SLC36A4: variants seen among roughly 807,000 people sequenced by gnomAD.
The protein encoded by SLC36A4 is neutral amino acid uniporter 4.
Under a neutral mutation model 50.5 loss-of-function variants are expected in SLC36A4, and 49 were observed. That is an observed-to-expected ratio of 0.97 (90% CI 0.77 to 1.23). The LOEUF (loss-of-function observed/expected upper bound fraction) is 1.23, where lower values mean the gene tolerates loss of function less well. Ranked by LOEUF, SLC36A4 falls within the 50% of genes most tolerant of loss-of-function variation. SLC36A4 has a pLI of 0.00. For synonymous variants in SLC36A4, 207 were observed against 206.5 expected, an observed-to-expected ratio of 1.00 and a Z score of -0.02; for missense variants, 611 against 608.4, an observed-to-expected ratio of 1.00 and a Z score of -0.05.
Position 93,148,675 on chromosome 11 carries a change from A to C in SLC36A4, c.1377T>G (p.Thr459=). 1 of 1,612,942 alleles carries C rather than the reference A, an allele frequency of 6.2e-7. No individual in the cohort carries two copies. Among genetic ancestry groups the C allele is most frequent in the Non-Finnish European group, 8.5e-7 (1 of 1,179,348 alleles). ...MVLKNISIAF[T]GVVGFLLGTY... ...TACCTAATAAGAAGCCAACAACTCC[A>C]GTGAATGCTATAGAAATATTTTTCA... Residue 459 remains threonine (T), a synonymous_variant, in exon 11 of 11, where the codon ACT becomes ACG. Coordinates refer to ENST00000326402, the MANE Select transcript of SLC36A4 (RefSeq NM_152313.4).
chr11:93,162,740 CTT>C lies in SLC36A4; in HGVS notation c.1001_1002del (p.Lys334ArgfsTer51). On this transcript the variant is annotated frameshift_variant, in exon 9 of 11. Transcript: ENST00000326402. LOFTEE classifies it high-confidence loss of function. ...TGGGGAAGATTTAAAGTTATGCTGC[CTT>C]TGATTTCATCATGGAAACACATATA... Reference protein sequence around the residue: ...LGYMCFHDEIKGSITLNLPQD... With the variant: ...LGYMCFHDEIXGSITLNLPQD... 6.2e-7 allele frequency: 1 copy of C among 1,612,492 alleles called. No individual in the cohort carries two copies. Among genetic ancestry groups the C allele is most frequent in the Non-Finnish European group, 8.5e-7 (1 of 1,179,492 alleles).
Position 93,197,849 on chromosome 11 carries a change from G to C in SLC36A4, c.-17C>G, listed in dbSNP as rs989858187. On this transcript the variant is annotated 5_prime_UTR_variant, in exon 1 of 11. Transcript: ENST00000326402. ...CGCTTCCATCTCTCGCGGGTCTCCA[G>C]GACGCCGCCGCCCGAGTGCTCACTC... 1 of 1,546,634 alleles carries C rather than the reference G, an allele frequency of 6.5e-7. No individual in the cohort carries two copies. Among genetic ancestry groups the C allele is most frequent in the Non-Finnish European group, 8.7e-7 (1 of 1,154,070 alleles).
At chr11:93,189,428 G>T (rs546601370) in intron 1 of SLC36A4, among the ~76,000 whole-genome samples, 100 of 151,700 alleles carry the variant, frequency 6.6e-4, no homozygotes, top group Non-Finnish European at 1.2e-3. Context: ...GGTATGCAAG[G>T]CTATGACAAC....
intron 2 of SLC36A4, 131 bp from the exon 3 acceptor site, chr11:93,184,651 A>G (rs1055007528): frequency 1.0e-5 from 6 of 602,160 alleles, no homozygotes; most frequent in Admixed American, 3.3e-5. Context: ...CCATCCCACC[A>G]CTGGGCCAGA....
intron 1 of SLC36A4, among the ~76,000 whole-genome samples, chr11:93,195,294 T>A (rs2134718860): frequency 6.6e-6 from 1 of 152,100 alleles, no homozygotes; most frequent in African/African-American, 2.4e-5. Context: ...AAAACCACCA[T>A]AATATCCCAG....
At chr11:93,163,293 T>C (rs1211703083) in intron 8 of SLC36A4, among the ~76,000 whole-genome samples, 1 of 152,334 alleles carries the variant, frequency 6.6e-6, no homozygotes, top group South Asian at 2.1e-4. Context: ...CAAATTTCAT[T>C]TGGATTTCAT....
At chr11:93,158,534 G>A (rs1301887573) in intron 9 of SLC36A4, among the ~76,000 whole-genome samples, 1 of 151,260 alleles carries the variant, frequency 6.6e-6, no homozygotes, top group Non-Finnish European at 1.5e-5. Context: ...TTTAGAAGTT[G>A]GTATATCTAC....
At chr11:93,175,967 C>T (rs1181083907) in intron 6 of SLC36A4, among the ~76,000 whole-genome samples, 2 of 134,500 alleles carry the variant, frequency 1.5e-5, no homozygotes, top group African/African-American at 5.7e-5. Flanking sequence ...ATTAGGTCCG[C>T]TTGGTGCAGA....
chr11:93,196,350 A>T (rs1862421825), intron 1 of SLC36A4, among the ~76,000 whole-genome samples: 1 of 152,078 alleles, frequency 6.6e-6, no homozygotes, highest in Non-Finnish European at 1.5e-5. Flanking sequence ...CTGAAGGAGA[A>T]TTGCTGGGTC....
At chr11:93,176,410 A>T (rs1861472903) in intron 6 of SLC36A4, among the ~76,000 whole-genome samples, 1 of 152,180 alleles carries the variant, frequency 6.6e-6, no homozygotes, top group Non-Finnish European at 1.5e-5. Context: ...CCAATTTGCC[A>T]GTCTATGTCT....
intron 1 of SLC36A4, among the ~76,000 whole-genome samples, chr11:93,196,373 C>CT (rs1002228562): frequency 7.4e-4 from 109 of 147,788 alleles, no homozygotes; most frequent in African/African-American, 1.5e-3. Context: ...ACGATAAGCA[C>CT]TTTTTTTTTT....
intron 1 of SLC36A4, among the ~76,000 whole-genome samples, chr11:93,196,040 ATC>A (rs1353901742): frequency 6.6e-6 from 1 of 152,160 alleles, no homozygotes; most frequent in Non-Finnish European, 1.5e-5. Flanking sequence ...AGGAATTTTT[ATC>A]TGTTTTGCTC....
At position 93,180,080 on chromosome 11, in the gene SLC36A4, A is replaced by G. The variant is rs767929741; in HGVS notation, c.540+717T>C. Reference sequence around the variant, plus strand: ...AGACAATCCTATATATTACTATGTAAAATGTTTACTGTACCATGGACATGT... The same window carrying G: ...AGACAATCCTATATATTACTATGTAGAATGTTTACTGTACCATGGACATGT... On this transcript the variant is annotated intron_variant, in intron 6 of 10. Transcript: ENST00000326402. 9.5e-6 allele frequency: 9 copies of G among 947,614 alleles called. No individual in the cohort carries two copies. The South Asian group carries it at 4.4e-4, about 46-fold the overall frequency. The allele number at this position is 947,614 out of a possible 1,614,324, so 58.7% of individuals were successfully genotyped here. A position where few individuals can be genotyped will look rare whatever the true frequency, so the allele number is the denominator to read the frequency against.
chr11:93,196,383 T>A (rs1234406428), intron 1 of SLC36A4, among the ~76,000 whole-genome samples: 1 of 152,216 alleles, frequency 6.6e-6, no homozygotes, highest in Non-Finnish European at 1.5e-5. Context: ...CTTTTTTTTT[T>A]TGAGACAGAG....
Position 93,148,183 on chromosome 11 carries a change from T to A in SLC36A4, c.*354A>T, listed in dbSNP as rs1859918930. On this transcript the variant is annotated 3_prime_UTR_variant, in exon 11 of 11. Transcript: ENST00000326402. ...TTCTCTTATTGTTGAAATCCTATTC[T>A]GTTCTCAAGTGAGTGGCAAAAGAGT... The A allele has an allele frequency of 3.9e-5, 7 of 179,484 alleles. No individual in the cohort carries two copies. The South Asian group carries it at 9.3e-4, about 24-fold the overall frequency. The allele number at this position is 179,484 out of a possible 1,614,324, so 11.1% of individuals were successfully genotyped here.
Position 93,160,546 on chromosome 11 carries a change from C to T in SLC36A4, c.1037+2160G>A, listed in dbSNP as rs115210184. ...AGGGAAGGATTAATTGGAGCTACTG[C>T]AGGGACAGTGTCACCCTCCAAGATT... On this transcript the variant is annotated intron_variant, in intron 9 of 10. Coordinates refer to ENST00000326402, the MANE Select transcript of SLC36A4 (RefSeq NM_152313.4). 1,632 of 985,330 alleles carry T rather than the reference C, an allele frequency of 1.7e-3. 18 individuals carry two copies. The African/African-American group carries it at 0.027, about 16-fold the overall frequency. The allele number at this position is 985,330 out of a possible 1,614,324, so 61.0% of individuals were successfully genotyped here. A position where few individuals can be genotyped will look rare whatever the true frequency, so the allele number is the denominator to read the frequency against.
rs773218705 is a variant in SLC36A4, at chr11:93,197,803, G to A, written c.30C>T (p.Ala10=). The part of the protein sequence containing the change: MEAAATPAA[A]GAARREELDM... ...CTAGCTCCTCGCGCCTCGCCGCCCC[G>A]GCAGCCGCCGGCGTCGCCGCCGCTT... The change falls in exon 1 of 11, where the codon GCC becomes GCT. Residue 10 remains alanine, a synonymous_variant. Coordinates refer to ENST00000326402, the MANE Select transcript of SLC36A4 (RefSeq NM_152313.4). The A allele has an allele frequency of 4.4e-6, 7 of 1,583,070 alleles. No homozygotes were observed. In the African/African-American group the frequency reaches 6.9e-5, roughly 16 times the overall value.
At chr11:93,175,920 T>A (rs1162968481) in intron 6 of SLC36A4, among the ~76,000 whole-genome samples, 1 of 121,376 alleles carries the variant, frequency 8.2e-6, no homozygotes, top group Non-Finnish European at 1.7e-5. Flanking sequence ...AAAATGTATA[T>A]TCTGTTGATT....
At chr11:93,171,949 C>A (rs1317373330) in intron 6 of SLC36A4, 1 of 152,116 alleles carries the variant, frequency 6.6e-6, no homozygotes. Flanking sequence ...TTACTCTTTT[C>A]TATGTCCTCT....
Sources: gnomAD v4.1 joint callset for allele counts (sites outside exome capture counted in the v4.1 genomes callset) on GRCh38, gnomAD v4.1.1 for gene constraint, MANE v1.5 for transcripts, NCBI Gene and HGNC (gene_info 2026-07-23, HGNC 2026-07-21) for gene names.